Variants in TANC1 observed in about 807,000 individuals in gnomAD.
TANC1 encodes protein TANC1.
Under a neutral mutation model 149.7 loss-of-function variants are expected in TANC1, and 77 were observed. That is an observed-to-expected ratio of 0.51 (90% CI 0.43 to 0.62). The LOEUF (loss-of-function observed/expected upper bound fraction) is 0.62. TANC1 is among the 20% of genes least tolerant of loss of function. TANC1 has a pLI of 0.00. For missense variants in TANC1, 1,985 were observed against 2,321.8 expected, an observed-to-expected ratio of 0.85 and a Z score of 2.98; for synonymous variants, 854 against 925.0, an observed-to-expected ratio of 0.92 and a Z score of 1.39.
chr2:159,197,130 C>G (rs1336210887), intron 18 of TANC1, among the ~76,000 whole-genome samples: 1 of 152,146 alleles, frequency 6.6e-6, no homozygotes, highest in Non-Finnish European at 1.5e-5. Flanking sequence ...TTCTTCTGTC[C>G]TTGTGTTCAT....
chr2:159,067,814 C>G (rs2042800074), intron 3 of TANC1, among the ~76,000 whole-genome samples: 1 of 152,168 alleles, frequency 6.6e-6, no homozygotes, highest in Non-Finnish European at 1.5e-5. Context: ...TGACCAGTGC[C>G]ATACTTAGAA....
chr2:158,980,575 G>C (rs2034185476), intron 1 of TANC1, among the ~76,000 whole-genome samples: 2 of 152,080 alleles, frequency 1.3e-5, no homozygotes, highest in Admixed American at 1.3e-4. Flanking sequence ...AGGAGATTGA[G>C]ACCATCCTGG....
At chr2:159,169,947 C>G (rs571915473) in intron 9 of TANC1, among the ~76,000 whole-genome samples, 1 of 150,776 alleles carries the variant, frequency 6.6e-6, no homozygotes, top group Non-Finnish European at 1.5e-5. Flanking sequence ...GAGCTGAGAT[C>G]GTGCCATTGC....
chr2:159,029,476 G>A (rs759096489), intron 2 of TANC1, among the ~76,000 whole-genome samples: 1 of 152,106 alleles, frequency 6.6e-6, no homozygotes, highest in African/African-American at 2.4e-5. Context: ...TCCTGTCTAG[G>A]CACCCTCTTT....
At chr2:159,220,743 A>G (rs1030116249) in intron 22 of TANC1, among the ~76,000 whole-genome samples, 8 of 151,266 alleles carry the variant, frequency 5.3e-5, no homozygotes, top group African/African-American at 2.0e-4. Context: ...GGCATGCACC[A>G]CCGTACCTGG....
intron 19 of TANC1, among the ~76,000 whole-genome samples, chr2:159,216,718 G>A (rs1428209766): frequency 6.6e-6 from 1 of 152,076 alleles, no homozygotes; most frequent in African/African-American, 2.4e-5. Flanking sequence ...CCACGACAGT[G>A]GGCAGCTCAC....
intron 19 of TANC1, among the ~76,000 whole-genome samples, chr2:159,208,285 A>G (rs2058758047): frequency 2.0e-5 from 3 of 152,352 alleles, no homozygotes; most frequent in South Asian, 4.1e-4. Flanking sequence ...AAGTGGATGT[A>G]TAAGTGATGG....
intron 3 of TANC1, among the ~76,000 whole-genome samples, chr2:159,094,775 G>C (rs1444754836): frequency 2.8e-5 from 4 of 142,696 alleles, no homozygotes; most frequent in African/African-American, 1.1e-4. Flanking sequence ...GTGTGTGTGT[G>C]GGGGGGGGGT....
intron 22 of TANC1, among the ~76,000 whole-genome samples, chr2:159,220,820 G>C (rs2059662991): frequency 6.6e-6 from 1 of 152,094 alleles, no homozygotes; most frequent in African/African-American, 2.4e-5. Context: ...GGGCTCAAGT[G>C]ATCACCCCAC....
In TANC1 at chr2:159,230,857, C is replaced by T; in HGVS notation, c.5431C>T (p.Pro1811Ser). The T allele has an allele frequency of 1.9e-6, 3 of 1,614,206 alleles. No individual in the cohort carries two copies. Among genetic ancestry groups the T allele is most frequent in the South Asian group, 1.1e-5 (1 of 91,082 alleles). The change falls in exon 27 of 27, where the codon CCA becomes TCA. Residue 1811 changes from proline (P) to serine (S), a missense_variant. Physicochemically the swap from Pro to Ser is moderately conservative, Grantham distance 74. Transcript: ENST00000263635. This position sits in a 1 kb window ranked among gnomAD's most constrained non-coding sequence, Gnocchi z 4.4. ...GCTAGAAGAAAGCAAGTGCCAAATT[C>T]CAGTCCACTCTCAAGAGAACAGGAT... ...KELEESKCQIPVHSQENRITK... is the reference protein window; with the variant it reads ...KELEESKCQISVHSQENRITK...
chr2:159,070,709 A>AGAGTGTGTT (rs1191170388), intron 3 of TANC1, among the ~76,000 whole-genome samples: 1 of 152,202 alleles, frequency 6.6e-6, no homozygotes, highest in African/African-American at 2.4e-5. Flanking sequence ...AGAGCCCGGA[A>AGAGTGTGTT]GAGTGTGTTT....
At chr2:159,031,941 A>G (rs747323232) in intron 2 of TANC1, among the ~76,000 whole-genome samples, 22 of 152,222 alleles carry the variant, frequency 1.4e-4, no homozygotes, top group South Asian at 2.1e-4. Context: ...CAATTTTATC[A>G]TCTTTAAGAA....
At chr2:159,102,772 G>A (rs2046864632) in intron 4 of TANC1, among the ~76,000 whole-genome samples, 1 of 68,172 alleles carries the variant, frequency 1.5e-5, no homozygotes, top group South Asian at 5.5e-4. Flanking sequence ...AGGCTGGAGT[G>A]CAGTGGTGTG....
chr2:159,199,947 C>T (rs1343802087), intron 19 of TANC1, among the ~76,000 whole-genome samples: 1 of 152,230 alleles, frequency 6.6e-6, no homozygotes, highest in African/African-American at 2.4e-5. Context: ...CAGAGCCTCA[C>T]AGCTGTTTGT....
At chr2:159,173,565 A>G (rs1465039666) in intron 11 of TANC1, among the ~76,000 whole-genome samples, 2 of 152,236 alleles carry the variant, frequency 1.3e-5, no homozygotes, top group African/African-American at 4.8e-5. Flanking sequence ...AGATTGTGCA[A>G]CTGCACTCCA....
At chr2:159,043,144 A>T (rs902499090) in intron 2 of TANC1, among the ~76,000 whole-genome samples, 1 of 152,194 alleles carries the variant, frequency 6.6e-6, no homozygotes, top group African/African-American at 2.4e-5. Context: ...TGGGCTTGAC[A>T]GTATGTCCAT....
intron 4 of TANC1, among the ~76,000 whole-genome samples, chr2:159,134,568 C>T (rs2050454399): frequency 6.6e-6 from 1 of 152,194 alleles, no homozygotes; most frequent in South Asian, 2.1e-4. Flanking sequence ...CTGCAGACTC[C>T]ACCTCCTGGG....
In TANC1 at chr2:159,219,853, G is replaced by A; in HGVS notation, c.3664G>A (p.Gly1222Ser). 5 of 1,613,122 alleles carry A rather than the reference G, an allele frequency of 3.1e-6. No homozygotes were observed. Among genetic ancestry groups the A allele is most frequent in the Non-Finnish European group, 4.2e-6 (5 of 1,180,006 alleles). Residue 1222 changes from glycine to serine, a missense_variant, in exon 22 of 27, where the codon GGC (glycine) becomes AGC (serine). This residue lies in a region of TANC1 where 920 missense variants were observed against 994.7 expected (regional missense o/e 0.92). Transcript: ENST00000263635. ...RTPLDLAAFYGDAETVLYLVE... is the reference protein window; with the variant it reads ...RTPLDLAAFYSDAETVLYLVE... Reference sequence around the variant, plus strand: ...ACCCTTGGACCTGGCTGCCTTCTATGGCGATGCCGAGACTGTGAGTACCAG... The same window carrying A: ...ACCCTTGGACCTGGCTGCCTTCTATAGCGATGCCGAGACTGTGAGTACCAG...
chr2:159,197,494 T>C (rs1023230150), intron 18 of TANC1, among the ~76,000 whole-genome samples: 5 of 152,296 alleles, frequency 3.3e-5, no homozygotes, highest in South Asian at 4.1e-4. Context: ...AAAATGACTT[T>C]AGTAAATTCG....
Sources: gnomAD v4.1 joint callset for allele counts (sites outside exome capture counted in the v4.1 genomes callset) on GRCh38, gnomAD v4.1.1 for gene constraint, gnomAD v4.1.1 regional missense constraint, Gnocchi (gnomAD v3.1) non-coding constraint, MANE v1.5 for transcripts, NCBI Gene and HGNC (gene_info 2026-07-23, HGNC 2026-07-21) for gene names.